Variants in STK3 observed in about 807,000 individuals in gnomAD.
The protein encoded by STK3 is serine/threonine-protein kinase 3.
Under a neutral mutation model 58.0 loss-of-function variants are expected in STK3, and 41 were observed. The observed-to-expected ratio is 0.71, with a 90% CI of 0.55 to 0.92. The LOEUF is 0.92. Among genes scored for constraint, STK3 ranks in the 40% least tolerant of loss-of-function variants. The probability of loss-of-function intolerance (pLI) is 0.00; values close to 1 mark genes in which losing one functional copy is unlikely to be tolerated. For missense variants in STK3, 479 were observed against 602.7 expected (o/e 0.79, Z 2.15); for synonymous variants, 170 against 191.0 (o/e 0.89, Z 0.91).
chr8:98,801,350 G>A (rs1833532217), intron 1 of STK3, among the ~76,000 whole-genome samples: 1 of 152,124 alleles, frequency 6.6e-6, no homozygotes, highest in East Asian at 1.9e-4. Flanking sequence ...AAAGCAAGCT[G>A]CCCAAGCCAG....
chr8:98,765,215 A>G (rs1419589515), intron 3 of STK3, among the ~76,000 whole-genome samples: 2 of 152,132 alleles, frequency 1.3e-5, no homozygotes, highest in Admixed American at 6.5e-5. Context: ...GCACTATGCT[A>G]TCTCATCTCT....
Position 98,379,238 on chromosome 8 carries a change from T to C in STK3, n.57-31A>G, listed in dbSNP as rs1329902054. ...AGGAAAAATAACCTTCGTGAAAATA[T>C]GTTAAACTCAAAAGTTGATTTATTA... On this transcript the variant is annotated intron_variant and non_coding_transcript_variant, in intron 1 of 2. Transcript: ENST00000518704. The C allele has an allele frequency of 4.6e-5, 7 of 152,358 alleles. No homozygotes were observed. In the East Asian group the frequency reaches 5.8e-4, roughly 13 times the overall value. 9.4% of individuals were successfully genotyped at this position (152,358 alleles called of 1,614,324 possible).
intron 1 of STK3, among the ~76,000 whole-genome samples, chr8:98,807,242 G>A (rs1000633361): frequency 1.3e-5 from 2 of 151,456 alleles, no homozygotes; most frequent in Admixed American, 1.3e-4. Flanking sequence ...AAATATTTGG[G>A]TTTTTGGTTT....
intron 1 of STK3, among the ~76,000 whole-genome samples, chr8:98,911,313 A>G (rs544027314): frequency 2.0e-5 from 3 of 152,356 alleles, no homozygotes; most frequent in Non-Finnish European, 4.4e-5. Context: ...GATCAATAAT[A>G]CATCAGCAGC....
upstream of STK3, among the ~76,000 whole-genome samples, chr8:98,830,046 G>A (rs1444591588): frequency 6.6e-6 from 1 of 152,052 alleles, no homozygotes; most frequent in Admixed American, 6.6e-5. Flanking sequence ...GGCCAACATG[G>A]TGAAACCCCG....
intron 10 of STK3, among the ~76,000 whole-genome samples, chr8:98,480,966 T>C (rs759712177): frequency 1.7e-4 from 26 of 152,214 alleles, no homozygotes; most frequent in South Asian, 8.3e-4. Flanking sequence ...TTTTTGAATA[T>C]ATTAAAATTT....
At chr8:98,447,555 TATATATAGTA>T (rs1819004776) in intron 1 of STK3, among the ~76,000 whole-genome samples, 1 of 148,160 alleles carries the variant, frequency 6.7e-6, no homozygotes, top group African/African-American at 2.5e-5. Flanking sequence ...ATACTATATA[TATATATAGTA>T]TCTATATATT....
At chr8:98,903,549 TCTTCTTCC>T (rs761406187) in intron 1 of STK3, among the ~76,000 whole-genome samples, 1,076 of 44,454 alleles carry the variant, frequency 0.024, 50 homozygotes, top group Admixed American at 0.034. Flanking sequence ...TTCTTCTTCT[TCTTCTTCC>T]TTTTTTTTTT....
chr8:98,813,450 A>C (rs1426865421), intron 1 of STK3, among the ~76,000 whole-genome samples: 4 of 152,174 alleles, frequency 2.6e-5, no homozygotes, highest in Admixed American at 1.3e-4. Context: ...ACCTGAAACC[A>C]CCTAAGAAAA....
At chr8:98,621,821 C>T (rs1171042934) in intron 6 of STK3, among the ~76,000 whole-genome samples, 5 of 151,972 alleles carry the variant, frequency 3.3e-5, no homozygotes, top group Non-Finnish European at 5.9e-5. Context: ...TAGCTAGTCC[C>T]AGAATCACTG....
chr8:98,358,473 G>C, the STK3 span, among the ~76,000 whole-genome samples: 4 of 152,156 alleles, frequency 2.6e-5, no homozygotes, highest in Non-Finnish European at 4.4e-5. Flanking sequence ...AGATGTGTAG[G>C]GTTCTATCAG....
chr8:98,730,867 A>C (rs959210610), intron 4 of STK3, among the ~76,000 whole-genome samples: 4 of 152,192 alleles, frequency 2.6e-5, no homozygotes, highest in Non-Finnish European at 5.9e-5. Flanking sequence ...AGGGAACTAC[A>C]ACCATCCTTT....
At chr8:98,846,846 T>C (rs894220992) in intron 3 of STK3, among the ~76,000 whole-genome samples, 1 of 149,026 alleles carries the variant, frequency 6.7e-6, no homozygotes, top group African/African-American at 2.6e-5. Flanking sequence ...TCCTAAACTA[T>C]TCAGGATCCT....
chr8:98,641,780 G>A (rs1820039134), intron 6 of STK3, among the ~76,000 whole-genome samples: 1 of 152,216 alleles, frequency 6.6e-6, no homozygotes, highest in Non-Finnish European at 1.5e-5. Flanking sequence ...AGAAGCCTCT[G>A]TGCAGATGTT....
At chr8:98,439,728 C>A (rs1018737929) in intron 1 of STK3, among the ~76,000 whole-genome samples, 1 of 152,164 alleles carries the variant, frequency 6.6e-6, no homozygotes, top group African/African-American at 2.4e-5. Flanking sequence ...TGTCTCATTG[C>A]TGATCCTCTA....
At position 98,870,398 on chromosome 8, in the gene STK3, C is replaced by G. The variant is rs150479167; in HGVS notation, c.110+13249G>C. Among the ~76,000 whole-genome samples, 119 of 152,310 alleles carry G rather than the reference C, an allele frequency of 7.8e-4. 1 individual carries two copies. The East Asian group carries it at 0.021, about 27-fold the overall frequency. On this transcript the variant is annotated intron_variant, in intron 3 of 12. Transcript: ENST00000523601. ...GGGTCAAATGGTATTTCTAGTTCTA[C>G]ATCCTTCAGAAATCGCCACACTGTC... is the stretch of plus-strand genomic sequence containing the variant.
intron 10 of STK3, among the ~76,000 whole-genome samples, chr8:98,497,882 T>C (rs1267141323): frequency 6.6e-6 from 1 of 152,134 alleles, no homozygotes; most frequent in Non-Finnish European, 1.5e-5. Flanking sequence ...AAAAACAACC[T>C]GACAGTTCCT....
intron 7 of STK3, chr8:98,595,783 G>T: frequency 2.9e-6 from 1 of 345,724 alleles, no homozygotes; most frequent in Non-Finnish European, 5.3e-6. Flanking sequence ...AAAAAAACAT[G>T]AGAAATAGTA....
chr8:98,712,306 C>A (rs1251953551), intron 4 of STK3, among the ~76,000 whole-genome samples: 1 of 152,152 alleles, frequency 6.6e-6, no homozygotes, highest in Non-Finnish European at 1.5e-5. Flanking sequence ...CGTAAATGGA[C>A]TAAATGCTCC....
Sources: allele counts gnomAD v4.1 joint callset (sites outside exome capture counted in the v4.1 genomes callset), GRCh38; gene constraint gnomAD v4.1.1; transcripts MANE v1.5; gene names NCBI Gene and HGNC (gene_info 2026-07-23, HGNC 2026-07-21).